Variants in ANKRD11 observed in about 807,000 individuals in gnomAD.
The protein encoded by ANKRD11 is ankyrin repeat domain 11.
ANKRD11 carries 17 observed loss-of-function variants against 195.7 expected under a neutral mutation model. That is an observed-to-expected ratio of 0.09 (90% CI 0.06 to 0.13). ANKRD11 has a LOEUF of 0.13. ANKRD11 is among the 10% of genes least tolerant of loss of function. ANKRD11 has a pLI of 1.00. For missense variants in ANKRD11, 3,735 were observed against 3,566.1 expected, an observed-to-expected ratio of 1.05 and a Z score of -1.21; for synonymous variants, 1,953 against 1,528.1, an observed-to-expected ratio of 1.28 and a Z score of -6.49.
rs148398947 is a variant in ANKRD11, at chr16:89,460,659, C to T, written c.-145+29586G>A. On this transcript the variant is annotated intron_variant, in intron 1 of 12. Transcript: ENST00000301030. ...GGTTGAAGCAGGCGGGTTGTTTGAG[C>T]CCAGGAGGTCGAGGCTATAGTGATC... is the stretch of plus-strand genomic sequence containing the variant. Among the ~76,000 whole-genome samples the T allele has an allele frequency of 1.2e-3, 186 of 152,270 alleles. 1 individual carries two copies. The East Asian group carries it at 0.025, about 21-fold the overall frequency.
intron 2 of ANKRD11, among the ~76,000 whole-genome samples, chr16:89,347,277 T>C (rs1334594376): frequency 6.6e-6 from 1 of 152,172 alleles, no homozygotes; most frequent in Non-Finnish European, 1.5e-5. Flanking sequence ...CGCACATGTG[T>C]GTACCTGTAT....
chr16:89,322,432 G>A (rs367766019), intron 2 of ANKRD11, among the ~76,000 whole-genome samples: 4 of 152,284 alleles, frequency 2.6e-5, no homozygotes, highest in African/African-American at 7.2e-5. Context: ...TTTAAATATC[G>A]AATGGTGCCC....
At chr16:89,351,633 G>A (rs1031735143) in intron 2 of ANKRD11, among the ~76,000 whole-genome samples, 1 of 152,220 alleles carries the variant, frequency 6.6e-6, no homozygotes, top group Non-Finnish European at 1.5e-5. Context: ...GGGCACTGCA[G>A]ACATAGGCCC....
At chr16:89,463,347 G>T (rs959032629) in intron 1 of ANKRD11, among the ~76,000 whole-genome samples, 1 of 152,206 alleles carries the variant, frequency 6.6e-6, no homozygotes, top group African/African-American at 2.4e-5. Flanking sequence ...TCTGCCTTGG[G>T]ATCCTGTTGA....
intron 1 of ANKRD11, among the ~76,000 whole-genome samples, chr16:89,446,702 C>G (rs1406196209): frequency 6.6e-6 from 1 of 152,168 alleles, no homozygotes; most frequent in African/African-American, 2.4e-5. Context: ...GTGGCAGGAC[C>G]CTGGACACAC....
intron 4 of ANKRD11, chr16:89,299,700 C>T (rs1429299219): frequency 1.1e-5 from 2 of 184,760 alleles, no homozygotes; most frequent in Admixed American, 1.7e-4. Flanking sequence ...GGGATGCCTG[C>T]CCTGTGTGGG....
At chr16:89,402,371 G>C (rs934397564) in intron 2 of ANKRD11, among the ~76,000 whole-genome samples, 1 of 152,108 alleles carries the variant, frequency 6.6e-6, no homozygotes, top group Non-Finnish European at 1.5e-5. Context: ...GGGATTGAGC[G>C]CTTATTTAAA....
rs77612125 is a variant in ANKRD11 at position 89,278,965 on chromosome 16, G to A, written c.7470+107C>T. ...CTCAGGTGGCAGAAGGTCGAGAGAGGTCAAGGGCCATGAGTGGGACAAGAC... is the reference window on the plus strand; with the variant it reads ...CTCAGGTGGCAGAAGGTCGAGAGAGATCAAGGGCCATGAGTGGGACAAGAC... On this transcript the variant is annotated intron_variant, in intron 9 of 12. Transcript: ENST00000301030. 1,032 of 1,519,922 alleles carry A rather than the reference G, an allele frequency of 6.8e-4. 2 individuals carry two copies. The African/African-American group carries it at 0.013, about 19-fold the overall frequency. The allele number at this position is 1,519,922 out of a possible 1,614,324, so 94.2% of individuals were successfully genotyped here.
chr16:89,460,969 A>ACC (rs34732329), intron 1 of ANKRD11, among the ~76,000 whole-genome samples: 7 of 58,986 alleles, frequency 1.2e-4, no homozygotes, highest in South Asian at 1.6e-3. Flanking sequence ...ATATCGTATG[A>ACC]CCCCCCCCCC....
At chr16:89,408,787 C>T (rs2042007024) in intron 2 of ANKRD11, among the ~76,000 whole-genome samples, 1 of 152,202 alleles carries the variant, frequency 6.6e-6, no homozygotes, top group Non-Finnish European at 1.5e-5. Context: ...TCCTAAACAT[C>T]TTTTGAGGCC....
intron 2 of ANKRD11, among the ~76,000 whole-genome samples, chr16:89,381,639 T>G (rs1210307761): frequency 6.6e-6 from 1 of 152,194 alleles, no homozygotes; most frequent in Non-Finnish European, 1.5e-5. Flanking sequence ...TCCCCCAACA[T>G]GCCTGTCACA....
chr16:89,288,144 C>A lies in ANKRD11; in HGVS notation c.744+384G>T, dbSNP rs553447833. On this transcript the variant is annotated intron_variant, in intron 7 of 12. Transcript: ENST00000301030. Reference sequence around the variant, plus strand: ...CACTGGCCACACCTCTTGGTGTTACCTCATTCCAGACGAGGGTGGGTCTGC... The same window carrying A: ...CACTGGCCACACCTCTTGGTGTTACATCATTCCAGACGAGGGTGGGTCTGC... 65 of 602,294 alleles carry A rather than the reference C, an allele frequency of 1.1e-4. 1 individual carries two copies. The highest frequency in any genetic ancestry group is 1.1e-3 in the African/African-American group (58 of 54,002). The allele number at this position is 602,294 out of a possible 1,614,324, so 37.3% of individuals were successfully genotyped here.
At chr16:89,304,376 A>G (rs567873909) in intron 4 of ANKRD11, among the ~76,000 whole-genome samples, 4 of 151,574 alleles carry the variant, frequency 2.6e-5, no homozygotes, top group African/African-American at 7.3e-5. Context: ...GCACATGCAC[A>G]CACATGCAAA....
At chr16:89,275,950 T>G (rs962062714) in intron 9 of ANKRD11, among the ~76,000 whole-genome samples, 1 of 151,420 alleles carries the variant, frequency 6.6e-6, no homozygotes, top group African/African-American at 2.4e-5. Context: ...CCACAGGGAG[T>G]CAGGTTTCCA....
chr16:89,374,967 A>G (rs1014973745), intron 2 of ANKRD11, among the ~76,000 whole-genome samples: 1 of 152,182 alleles, frequency 6.6e-6, no homozygotes, highest in Non-Finnish European at 1.5e-5. Flanking sequence ...TGTACAAAAT[A>G]TATGTAGATA....
intron 1 of ANKRD11, among the ~76,000 whole-genome samples, chr16:89,461,530 C>G (rs2056669071): frequency 6.6e-6 from 1 of 152,090 alleles, no homozygotes; most frequent in South Asian, 2.1e-4. Flanking sequence ...TTTGTAGAAA[C>G]AGGGTATCTT....
At chr16:89,347,284 G>C (rs1032984496) in intron 2 of ANKRD11, among the ~76,000 whole-genome samples, 5 of 152,316 alleles carry the variant, frequency 3.3e-5, no homozygotes, top group East Asian at 3.9e-4. Context: ...GTGTGTACCT[G>C]TATGTGTGTA....
At chr16:89,411,919 G>C (rs1218495842) in intron 2 of ANKRD11, among the ~76,000 whole-genome samples, 2 of 150,704 alleles carry the variant, frequency 1.3e-5, no homozygotes, top group Non-Finnish European at 3.0e-5. Flanking sequence ...CCAGGTACTG[G>C]GGTGAGATGC....
chr16:89,309,752 C>A (rs887439924), intron 3 of ANKRD11, among the ~76,000 whole-genome samples: 1 of 152,250 alleles, frequency 6.6e-6, no homozygotes, highest in Non-Finnish European at 1.5e-5. Flanking sequence ...GGACTGTCAG[C>A]AGGAACCACG....
Sources: gnomAD v4.1 joint callset for allele counts (sites outside exome capture counted in the v4.1 genomes callset) on GRCh38, gnomAD v4.1.1 for gene constraint, MANE v1.5 for transcripts, NCBI Gene and HGNC (gene_info 2026-07-23, HGNC 2026-07-21) for gene names.